The following ARHGAP6 variants were observed in gnomAD, a reference collection of about 807,000 sequenced individuals.
ARHGAP6 encodes the protein rho GTPase-activating protein 6.
In ARHGAP6, 16 loss-of-function variants were observed where a neutral mutation model predicts 55.7. The observed-to-expected ratio is 0.29, with a 90% CI of 0.19 to 0.44. The LOEUF (loss-of-function observed/expected upper bound fraction) is 0.44, where lower values mean the gene tolerates loss of function less well. Ranked by LOEUF, ARHGAP6 falls within the 20% of genes least tolerant of loss-of-function variation. The pLI is 1.00. For synonymous variants in ARHGAP6, 382 were observed against 360.9 expected (o/e 1.06, Z -0.66); for missense variants, 698 against 808.9 (o/e 0.86, Z 1.66).
chrX:11,449,130 C>T (rs1292128178), intron 1 of ARHGAP6, among the ~76,000 whole-genome samples: 1 of 111,513 alleles, frequency 9.0e-6, no homozygotes, highest in Non-Finnish European at 1.9e-5. Context: ...ACCTTTGGCC[C>T]CTAACCCAAC....
At chrX:11,507,463 G>A (rs1181641953) in intron 1 of ARHGAP6, among the ~76,000 whole-genome samples, 3 of 111,444 alleles carry the variant, frequency 2.7e-5, no homozygotes, top group Non-Finnish European at 5.7e-5. Flanking sequence ...CTGTTTCTGC[G>A]GCATAAAGTG....
At chrX:11,661,820 C>A in intron 1 of ARHGAP6, among the ~76,000 whole-genome samples, 1 of 111,885 alleles carries the variant, frequency 8.9e-6, no homozygotes, top group Non-Finnish European at 1.9e-5. Flanking sequence ...ACTAACGCAG[C>A]AGTTCTCAGT....
At chrX:11,219,309 C>G (rs1457120320) in intron 2 of ARHGAP6, among the ~76,000 whole-genome samples, 1 of 103,522 alleles carries the variant, frequency 9.7e-6, no homozygotes, top group Non-Finnish European at 2.0e-5. Flanking sequence ...TGGGTTGGTT[C>G]CAAGTCTTTG....
intron 1 of ARHGAP6, among the ~76,000 whole-genome samples, chrX:11,494,620 T>C (rs188957635): frequency 1.8e-5 from 2 of 112,549 alleles, no homozygotes; most frequent in African/African-American, 6.4e-5. Flanking sequence ...ATACTCCTAG[T>C]GGTCAGCTAG....
At chrX:11,593,983 T>C (rs2051870856) in intron 1 of ARHGAP6, among the ~76,000 whole-genome samples, 2 of 112,512 alleles carry the variant, frequency 1.8e-5, no homozygotes, top group African/African-American at 6.5e-5. Flanking sequence ...ACAATGGGCA[T>C]TCATCACATG....
intron 1 of ARHGAP6, among the ~76,000 whole-genome samples, chrX:11,320,808 C>T (rs2048423255): frequency 9.8e-6 from 1 of 102,046 alleles, no homozygotes. Flanking sequence ...CACACACACA[C>T]ACAGGTGTAT....
At chrX:11,595,141 T>G (rs1305901475) in intron 1 of ARHGAP6, among the ~76,000 whole-genome samples, 3 of 110,401 alleles carry the variant, frequency 2.7e-5, no homozygotes, top group African/African-American at 9.9e-5. Flanking sequence ...GTACAAAAAA[T>G]TAGCCGGGTA....
intron 1 of ARHGAP6, among the ~76,000 whole-genome samples, chrX:11,479,235 C>T (rs899841762): frequency 1.8e-5 from 2 of 111,946 alleles, no homozygotes; most frequent in African/African-American, 3.2e-5. Flanking sequence ...CAGTGCCTGC[C>T]GCACAAGAAG....
At chrX:11,172,473 A>T (rs1300352659) in intron 8 of ARHGAP6, among the ~76,000 whole-genome samples, 1 of 110,067 alleles carries the variant, frequency 9.1e-6, no homozygotes, top group East Asian at 2.8e-4. Context: ...GTTTCCCCTT[A>T]CCCCTGTAAA....
intron 2 of ARHGAP6, among the ~76,000 whole-genome samples, chrX:11,249,164 C>G (rs2047390719): frequency 1.8e-5 from 2 of 111,634 alleles, no homozygotes; most frequent in Non-Finnish European, 3.8e-5. Flanking sequence ...AGTGAAGTAA[C>G]TCAGGAATGG....
intron 1 of ARHGAP6, among the ~76,000 whole-genome samples, chrX:11,602,436 T>C (rs778149645): frequency 2.1e-4 from 24 of 112,317 alleles, no homozygotes; most frequent in Non-Finnish European, 4.1e-4. Flanking sequence ...AACAAAAGTG[T>C]CTCTCCGGGA....
At chrX:11,246,579 A>G (rs2047355961) in intron 2 of ARHGAP6, among the ~76,000 whole-genome samples, 1 of 112,134 alleles carries the variant, frequency 8.9e-6, no homozygotes, top group African/African-American at 3.2e-5. Flanking sequence ...GATGTTCCAG[A>G]TCAAAGACCA....
At chrX:11,625,305 GTGTGTA>G (rs1295303954) in intron 1 of ARHGAP6, among the ~76,000 whole-genome samples, 12 of 86,019 alleles carry the variant, frequency 1.4e-4, no homozygotes, top group South Asian at 1.0e-3. Context: ...GTGTGTGTGT[GTGTGTA>G]TATGTATATA....
intron 2 of ARHGAP6, among the ~76,000 whole-genome samples, chrX:11,205,787 A>T (rs1389670436): frequency 8.9e-6 from 1 of 112,029 alleles, no homozygotes; most frequent in African/African-American, 3.2e-5. Context: ...ATCACTTGCC[A>T]TCTATTATAG....
At chrX:11,188,188 C>T (rs772061149) in intron 4 of ARHGAP6, among the ~76,000 whole-genome samples, 5 of 111,845 alleles carry the variant, frequency 4.5e-5, no homozygotes, top group Admixed American at 9.4e-5. Context: ...GTACCTAGAA[C>T]ATAGTACTTA....
At chrX:11,502,544 C>A (rs1341950259) in intron 1 of ARHGAP6, among the ~76,000 whole-genome samples, 1 of 111,939 alleles carries the variant, frequency 8.9e-6, no homozygotes, top group Non-Finnish European at 1.9e-5. Flanking sequence ...ATATGCAAGT[C>A]AATTTATATG....
chrX:11,318,009 G>T (rs935415004), intron 1 of ARHGAP6, among the ~76,000 whole-genome samples: 2 of 111,970 alleles, frequency 1.8e-5, no homozygotes, highest in Non-Finnish European at 1.9e-5. Flanking sequence ...GTTACATCTT[G>T]TGTTAAAAGC....
At chrX:11,524,804 T>G (rs185375835) in intron 1 of ARHGAP6, among the ~76,000 whole-genome samples, 1 of 111,336 alleles carries the variant, frequency 9.0e-6, no homozygotes, top group Non-Finnish European at 1.9e-5. Flanking sequence ...ATAAAATAAT[T>G]ATACAACTCA....
intron 1 of ARHGAP6, among the ~76,000 whole-genome samples, chrX:11,269,893 C>T (rs761920946): frequency 1.6e-4 from 18 of 111,762 alleles, no homozygotes; most frequent in South Asian, 7.5e-4. Flanking sequence ...CCTATTTGCA[C>T]GGAGAGAATG....
Sources: gnomAD v4.1 joint callset for allele counts (sites outside exome capture counted in the v4.1 genomes callset) on GRCh38, gnomAD v4.1.1 for gene constraint, MANE v1.5 for transcripts, NCBI Gene and HGNC (gene_info 2026-07-23, HGNC 2026-07-21) for gene names.